ZCCHC4: variants seen among roughly 807,000 people sequenced by gnomAD.
The protein encoded by ZCCHC4 is rRNA N(6)-adenosine-methyltransferase ZCCHC4.
Under a neutral mutation model 67.7 loss-of-function variants are expected in ZCCHC4, and 54 were observed. That is an observed-to-expected ratio of 0.80 (90% CI 0.64 to 1.00). ZCCHC4 has a LOEUF of 1.00. Among genes scored for constraint, ZCCHC4 ranks in the 50% least tolerant of loss-of-function variants. The pLI is 0.00. For missense variants in ZCCHC4, 609 were observed against 617.0 expected (o/e 0.99, Z 0.14); for synonymous variants, 198 against 213.5 (o/e 0.93, Z 0.63).
Position 25,362,236 on chromosome 4 carries a change from C to T in ZCCHC4, c.1144C>T (p.Pro382Ser), listed in dbSNP as rs774990807. 2 of 1,611,026 alleles carry T rather than the reference C, an allele frequency of 1.2e-6. No individual in the cohort carries two copies. The highest frequency in any genetic ancestry group is 2.2e-5 in the South Asian group (2 of 90,520). ...TGTCCTTTACTCTAGATTTTGCTCT[C>T]CGTGTCAACGGTATGTTTCTCTAGA... ...PTEEGYRFCS[P>S]CQRYVSLENQ... The change falls in exon 10 of 13, where the codon CCG becomes TCG. Residue 382 changes from proline (P) to serine (S), a missense_variant. Pro to Ser is a moderately conservative substitution (Grantham distance 74). Transcript: ENST00000302874.
intron 3 of ZCCHC4, among the ~76,000 whole-genome samples, chr4:25,321,322 A>G (rs895515431): frequency 6.6e-6 from 1 of 151,578 alleles, no homozygotes; most frequent in Non-Finnish European, 1.5e-5. Context: ...GTGCATTCAT[A>G]GCTCATTGTA....
At chr4:25,340,630 A>G (rs559478290) in intron 5 of ZCCHC4, among the ~76,000 whole-genome samples, 2 of 151,904 alleles carry the variant, frequency 1.3e-5, no homozygotes, top group Admixed American at 1.3e-4. Flanking sequence ...TGAACATGAG[A>G]TGTCCTTCCA....
At chr4:25,343,700 T>C (rs752906876) in intron 5 of ZCCHC4, among the ~76,000 whole-genome samples, 5 of 152,234 alleles carry the variant, frequency 3.3e-5, no homozygotes, top group Non-Finnish European at 7.3e-5. Context: ...CGTCTGACTA[T>C]AGAGCCTCTG....
At chr4:25,331,641 A>AAT (rs1350880335) in intron 3 of ZCCHC4, among the ~76,000 whole-genome samples, 1 of 152,180 alleles carries the variant, frequency 6.6e-6, no homozygotes, top group Non-Finnish European at 1.5e-5. Context: ...GATGAGAGGT[A>AAT]ATAGTAAATT....
At chr4:25,350,288 TCTCA>T (rs1720239483) in intron 7 of ZCCHC4, among the ~76,000 whole-genome samples, 1 of 127,276 alleles carries the variant, frequency 7.9e-6, no homozygotes, top group East Asian at 2.4e-4. Context: ...TGAGACAGAG[TCTCA>T]CTCTGTCACC....
At chr4:25,340,912 C>T (rs1437277103) in intron 5 of ZCCHC4, among the ~76,000 whole-genome samples, 1 of 152,108 alleles carries the variant, frequency 6.6e-6, no homozygotes, top group Non-Finnish European at 1.5e-5. Context: ...GCCACCGCTC[C>T]TCTTCTTCCT....
In ZCCHC4 at chr4:25,312,837, G is replaced by T. The variant is rs747182175; in HGVS notation, c.28G>T (p.Ala10Ser). 9.9e-6 allele frequency: 16 copies of T among 1,613,226 alleles called. No individual in the cohort carries two copies. Among genetic ancestry groups the T allele is most frequent in the South Asian group, 4.4e-5 (4 of 91,042 alleles). MAASRNGFE[A>S]VEAEGSAGCR... is the part of the protein sequence containing the mutation. The stretch of plus-strand genomic sequence containing the variant: ...GGCGGCCTCCAGGAATGGGTTTGAA[G>T]CCGTGGAGGCAGAGGGCAGCGCAGG... Residue 10 changes from alanine to serine, a missense_variant, in exon 1 of 13, where the codon GCC (alanine) becomes TCC (serine). By Grantham distance (99) the Ala-to-Ser change is moderately conservative. Coordinates refer to ENST00000302874, the MANE Select transcript of ZCCHC4 (RefSeq NM_024936.3).
At chr4:25,317,601 C>G (rs1320634669) in intron 3 of ZCCHC4, among the ~76,000 whole-genome samples, 1 of 146,224 alleles carries the variant, frequency 6.8e-6, no homozygotes, top group Non-Finnish European at 1.5e-5. Flanking sequence ...ATCCCAGTTA[C>G]TTGGGAGGCT....
At chr4:25,343,017 G>T (rs1273613684) in intron 5 of ZCCHC4, among the ~76,000 whole-genome samples, 1 of 152,156 alleles carries the variant, frequency 6.6e-6, no homozygotes, top group Non-Finnish European at 1.5e-5. Context: ...GTTAAAAAGG[G>T]ATTGTATTTT....
At chr4:25,343,601 C>T (rs931634201) in intron 5 of ZCCHC4, among the ~76,000 whole-genome samples, 17 of 152,118 alleles carry the variant, frequency 1.1e-4, no homozygotes, top group Admixed American at 2.6e-4. Flanking sequence ...TACCATTTTA[C>T]GGATGAAGAA....
chr4:25,315,425 T>C, intron 3 of ZCCHC4, 25 bp downstream of exon 3: 1 of 1,557,032 alleles, frequency 6.4e-7, no homozygotes, highest in Non-Finnish European at 8.7e-7. Context: ...TCATTTTTCT[T>C]TATTAGTTTA....
chr4:25,338,731 T>A (rs956088679), intron 5 of ZCCHC4, among the ~76,000 whole-genome samples: 1 of 152,248 alleles, frequency 6.6e-6, no homozygotes, highest in South Asian at 2.1e-4. Context: ...GTGTCAGTAC[T>A]TCATTCCTTT....
intron 8 of ZCCHC4, among the ~76,000 whole-genome samples, chr4:25,356,662 T>C (rs572818335): frequency 6.6e-6 from 1 of 152,140 alleles, no homozygotes; most frequent in Non-Finnish European, 1.5e-5. Context: ...AAAAGCTTCA[T>C]ATGAATCTCT....
intron 10 of ZCCHC4, 100 bp from the exon 11 acceptor site, chr4:25,364,354 T>C: frequency 3.2e-6 from 3 of 928,118 alleles, no homozygotes; most frequent in Non-Finnish European, 4.5e-6. Context: ...GAGTGAATAA[T>C]TTACACAGAT....
intron 3 of ZCCHC4, among the ~76,000 whole-genome samples, chr4:25,321,679 T>C (rs540019634): frequency 1.3e-5 from 2 of 152,012 alleles, no homozygotes; most frequent in African/African-American, 2.4e-5. Context: ...GGCTGGCTAG[T>C]GTTTTAAAAT....
intron 3 of ZCCHC4, among the ~76,000 whole-genome samples, chr4:25,329,090 G>A (rs966985172): frequency 1.3e-5 from 2 of 152,042 alleles, no homozygotes; most frequent in Non-Finnish European, 2.9e-5. Context: ...AGGAGGCTGA[G>A]GTGGGAGGAC....
At chr4:25,335,800 C>T (rs943096581) in intron 5 of ZCCHC4, among the ~76,000 whole-genome samples, 1 of 152,020 alleles carries the variant, frequency 6.6e-6, no homozygotes, top group Non-Finnish European at 1.5e-5. Flanking sequence ...AATTTATTTG[C>T]CTTTAGATTT....
At chr4:25,355,398 C>T (rs115612097) in intron 8 of ZCCHC4, among the ~76,000 whole-genome samples, 2 of 152,156 alleles carry the variant, frequency 1.3e-5, no homozygotes, top group African/African-American at 4.8e-5. Flanking sequence ...GAATACCAGG[C>T]TTGGTAGCAA....
intron 5 of ZCCHC4, among the ~76,000 whole-genome samples, chr4:25,337,675 T>A (rs982762100): frequency 6.6e-6 from 1 of 152,198 alleles, no homozygotes; most frequent in African/African-American, 2.4e-5. Context: ...AAAAACCAGA[T>A]GTCCATAACT....
Sources: allele counts gnomAD v4.1 joint callset (sites outside exome capture counted in the v4.1 genomes callset), GRCh38; gene constraint gnomAD v4.1.1; transcripts MANE v1.5; gene names NCBI Gene and HGNC (gene_info 2026-07-23, HGNC 2026-07-21).